ZNF264: variants seen among roughly 807,000 people sequenced by gnomAD.
ZNF264 encodes zinc finger protein 264.
ZNF264 carries 11 observed loss-of-function variants against 11.2 expected under a neutral mutation model. The observed-to-expected ratio is 0.98, with a 90% confidence interval of 0.62 to 1.63. ZNF264 has a LOEUF of 1.63. Ranked by LOEUF, ZNF264 falls within the 40% of genes most tolerant of loss-of-function variation. ZNF264 has a pLI of 0.00. For missense variants in ZNF264, 752 were observed against 768.1 expected (o/e 0.98, Z 0.25); for synonymous variants, 309 against 279.8 (o/e 1.10, Z -1.04).
chr19:57,193,488 G>T, intron 1 of ZNF264: 3 of 985,424 alleles, frequency 3.0e-6, no homozygotes, highest in Non-Finnish European at 3.6e-6. Flanking sequence ...GTTTACACAG[G>T]ATGTGAAGCC....
intron 2 of ZNF264, among the ~76,000 whole-genome samples, chr19:57,196,304 C>G (rs2087211114): frequency 6.6e-6 from 1 of 151,950 alleles, no homozygotes; most frequent in Non-Finnish European, 1.5e-5. Context: ...GAATGGTAGT[C>G]TTGGCAGAAG....
At position 57,216,100 on chromosome 19, in the gene ZNF264, C is replaced by A. The variant is rs529341374; in HGVS notation, c.*3119C>A. ...GGGTGCAGTGGCTCACGCCTGTAAT[C>A]CTAGCACTTTGAGACCACTAAGGCA... is the stretch of plus-strand genomic sequence containing the variant. On this transcript the variant is annotated 3_prime_UTR_variant, in exon 4 of 4. Coordinates refer to ENST00000263095, the MANE Select transcript of ZNF264 (RefSeq NM_003417.5). The A allele has an allele frequency of 2.3e-4, 35 of 152,388 alleles. No homozygotes were observed. Among genetic ancestry groups the A allele is most frequent in the Middle Eastern group, 3.4e-3 (1 of 294 alleles). 9.4% of individuals were successfully genotyped at this position (152,388 alleles called of 1,614,324 possible).
intron 1 of ZNF264, chr19:57,192,596 A>G: frequency 2.0e-6 from 2 of 983,766 alleles, no homozygotes; most frequent in Non-Finnish European, 2.4e-6. Flanking sequence ...TCCTTGGGGG[A>G]TCTGGGAGAC....
At chr19:57,205,259 A>C (rs191317882) in intron 2 of ZNF264, 138 bp from the exon 3 acceptor site, 15 of 737,512 alleles carry the variant, frequency 2.0e-5, no homozygotes, top group Non-Finnish European at 3.4e-5. Context: ...TCCAGGTCAC[A>C]TGCCAGCTTT....
chr19:57,213,012 C>A lies in ZNF264; in HGVS notation c.*31C>A. On this transcript the variant is annotated 3_prime_UTR_variant, in exon 4 of 4. Coordinates refer to ENST00000263095, the MANE Select transcript of ZNF264 (RefSeq NM_003417.5). ...CCTTCTGTTGCTGAATATTACTTGT[C>A]ATCTGAAGAGTCATATTAGAAATTC... 1.3e-6 allele frequency: 2 copies of A among 1,574,056 alleles called. No individual in the cohort carries two copies. Among genetic ancestry groups the A allele is most frequent in the South Asian group, 1.2e-5 (1 of 85,474 alleles).
At chr19:57,203,027 A>G (rs1054266463) in intron 2 of ZNF264, among the ~76,000 whole-genome samples, 1 of 152,126 alleles carries the variant, frequency 6.6e-6, no homozygotes, top group Non-Finnish European at 1.5e-5. Flanking sequence ...AACCCCCCAC[A>G]CATTTGGTCA....
In ZNF264 at chr19:57,192,010, G is replaced by C. The variant is rs971165921; in HGVS notation, c.33+64G>C. 2.9e-5 allele frequency: 41 copies of C among 1,420,366 alleles called. 1 individual carries two copies. In the South Asian group the frequency reaches 4.3e-4, roughly 15 times the overall value. 88.0% of individuals were successfully genotyped at this position (1,420,366 alleles called of 1,614,324 possible). ...CAGCGCTGAGGCGGTTTCCGAAGTG[G>C]GTGGGAGCCCAGGTATCCCCTGGAT... On this transcript the variant is annotated intron_variant, in intron 1 of 3. Coordinates refer to ENST00000263095, the MANE Select transcript of ZNF264 (RefSeq NM_003417.5).
At chr19:57,203,558 T>G (rs1037443448) in intron 2 of ZNF264, among the ~76,000 whole-genome samples, 1 of 152,182 alleles carries the variant, frequency 6.6e-6, no homozygotes, top group African/African-American at 2.4e-5. Flanking sequence ...CTTGTTGTTG[T>G]TTTTTGTTTT....
intron 2 of ZNF264, among the ~76,000 whole-genome samples, chr19:57,204,245 C>T (rs1176243105): frequency 6.6e-6 from 1 of 151,920 alleles, no homozygotes; most frequent in African/African-American, 2.4e-5. Context: ...ACTGTGTGGC[C>T]TTGGTCAAAT....
intron 3 of ZNF264, among the ~76,000 whole-genome samples, chr19:57,210,017 T>A (rs1051060867): frequency 6.6e-6 from 1 of 152,094 alleles, no homozygotes; most frequent in Admixed American, 6.6e-5. Context: ...CTTACCTCTT[T>A]CCTTATGAGC....
At chr19:57,206,276 C>A (rs917937149) in intron 3 of ZNF264, among the ~76,000 whole-genome samples, 2 of 152,104 alleles carry the variant, frequency 1.3e-5, no homozygotes, top group East Asian at 3.9e-4. Flanking sequence ...CGGAGTCTCG[C>A]TCTGTCACCC....
chr19:57,211,416 A>G lies in ZNF264; in HGVS notation c.319A>G (p.Ile107Val). The G allele has an allele frequency of 6.2e-7, 1 of 1,614,184 alleles. No individual in the cohort carries two copies. The highest frequency in any genetic ancestry group is 8.5e-7 in the Non-Finnish European group (1 of 1,180,028). Reference protein sequence around the residue: ...TTCEPALSEGISLQGQVTQGN... With the variant: ...TTCEPALSEGVSLQGQVTQGN... The stretch of plus-strand genomic sequence containing the variant: ...TTGTGAGCCAGCCTTGTCAGAGGGA[A>G]TCTCACTTCAGGGACAAGTGACACA... The change falls in exon 4 of 4, where the codon ATC becomes GTC. Residue 107 changes from isoleucine to valine, a missense_variant. Coordinates refer to ENST00000263095, the MANE Select transcript of ZNF264 (RefSeq NM_003417.5).
chr19:57,200,184 G>A (rs10416185), intron 2 of ZNF264, among the ~76,000 whole-genome samples: 20,483 of 151,590 alleles, frequency 0.14, 1,603 homozygotes, highest in African/African-American at 0.16. Flanking sequence ...TGCAACAAAA[G>A]GTGCATGCAC....
At chr19:57,211,077 A>T (rs2087331071) in intron 3 of ZNF264, among the ~76,000 whole-genome samples, 1 of 151,972 alleles carries the variant, frequency 6.6e-6, no homozygotes. Flanking sequence ...TGTCGTCGTT[A>T]CTCTGTCTAC....
chr19:57,211,447 A>G lies in ZNF264; in HGVS notation c.350A>G (p.Asn117Ser). Residue 117 changes from asparagine (N) to serine (S), a missense_variant, in exon 4 of 4, where the codon AAC (asparagine) becomes AGC (serine). Transcript: ENST00000263095. ...CTTCAGGGACAAGTGACACAAGGAA[A>G]CTCAGTGGACTCACAGTTGGGGCAA... ...ISLQGQVTQG[N>S]SVDSQLGQAE... is the part of the protein sequence containing the mutation. 1 of 1,614,136 alleles carries G rather than the reference A, an allele frequency of 6.2e-7. No homozygotes were observed. Among genetic ancestry groups the G allele is most frequent in the Non-Finnish European group, 8.5e-7 (1 of 1,180,034 alleles).
intron 2 of ZNF264, among the ~76,000 whole-genome samples, chr19:57,201,486 T>C (rs548857196): frequency 6.6e-6 from 1 of 152,112 alleles, no homozygotes; most frequent in Admixed American, 6.5e-5. Flanking sequence ...TTGGCTTGGT[T>C]GATTGGACTT....
rs1435733782 is a variant in ZNF264 at position 57,212,522 on chromosome 19, C to A, written c.1425C>A (p.Ser475Arg). The A allele has an allele frequency of 6.2e-7, 1 of 1,613,202 alleles. No homozygotes were observed. The highest frequency in any genetic ancestry group is 8.5e-7 in the Non-Finnish European group (1 of 1,179,790). ...GGAAGGACCTCATTCGCCACTTCAG[C>A]ATCCACACTGGAGAGAAGCCCTATG... ...SNRKDLIRHFSIHTGEKPYEC... is the reference protein window; with the variant it reads ...SNRKDLIRHFRIHTGEKPYEC... Residue 475 changes from serine (S) to arginine (R), a missense_variant, in exon 4 of 4, where the codon AGC (serine) becomes AGA (arginine). Coordinates refer to ENST00000263095, the MANE Select transcript of ZNF264 (RefSeq NM_003417.5).
intron 2 of ZNF264, among the ~76,000 whole-genome samples, chr19:57,195,330 C>T (rs1321202286): frequency 1.3e-5 from 2 of 152,210 alleles, no homozygotes; most frequent in African/African-American, 2.4e-5. Flanking sequence ...TTTCTTAGTA[C>T]AAGTGTATAC....
chr19:57,199,053 CTG>C (rs1361450621), intron 2 of ZNF264, among the ~76,000 whole-genome samples: 1 of 150,958 alleles, frequency 6.6e-6, no homozygotes, highest in Non-Finnish European at 1.5e-5. Flanking sequence ...TCTGGGAACA[CTG>C]TGATTAATTA....
Sources: allele counts gnomAD v4.1 joint callset (sites outside exome capture counted in the v4.1 genomes callset), GRCh38; gene constraint gnomAD v4.1.1; transcripts MANE v1.5; gene names NCBI Gene and HGNC (gene_info 2026-07-23, HGNC 2026-07-21).